Variants in PPP3CC observed in about 807,000 individuals in gnomAD.
PPP3CC encodes the protein serine/threonine-protein phosphatase 2B catalytic subunit gamma isoform.
A neutral mutation model predicts 60.3 loss-of-function variants in PPP3CC; 35 were observed. The observed-to-expected ratio is 0.58, with a 90% CI of 0.44 to 0.77. The LOEUF is 0.77. Ranked by LOEUF, PPP3CC falls within the 30% of genes least tolerant of loss-of-function variation. PPP3CC has a pLI of 0.00. For missense variants in PPP3CC, 570 were observed against 628.9 expected (o/e 0.91, Z 1.00); for synonymous variants, 206 against 224.3 (o/e 0.92, Z 0.73).
intron 6 of PPP3CC, among the ~76,000 whole-genome samples, chr8:22,518,263 G>A (rs1325779752): frequency 6.6e-6 from 1 of 151,988 alleles, no homozygotes; most frequent in African/African-American, 2.4e-5. Context: ...ATGAGGTCTT[G>A]CTGTGTTGCT....
chr8:22,470,925 C>G (rs984381831), intron 1 of PPP3CC, among the ~76,000 whole-genome samples: 14 of 152,150 alleles, frequency 9.2e-5, no homozygotes, highest in African/African-American at 3.4e-4. Context: ...CTTATGTCCA[C>G]CAAAGCACAC....
chr8:22,481,316 CAA>C (rs1838059172), intron 3 of PPP3CC, among the ~76,000 whole-genome samples: 1 of 150,806 alleles, frequency 6.6e-6, no homozygotes, highest in Non-Finnish European at 1.5e-5. Context: ...GCCTGGGCAA[CAA>C]GAGCGAAACT....
intron 2 of PPP3CC, 78 bp downstream of exon 2, chr8:22,475,229 C>A (rs1188883584): frequency 2.9e-6 from 4 of 1,364,584 alleles, no homozygotes; most frequent in Admixed American, 2.1e-5. Context: ...TACAAATAAC[C>A]AGCTAAAAAG....
At chr8:22,525,541 TCCC>T (rs1563780713) in intron 8 of PPP3CC, among the ~76,000 whole-genome samples, 3,825 of 63,868 alleles carry the variant, frequency 0.06, 81 homozygotes, top group East Asian at 0.14. Flanking sequence ...TTTCTTTCTC[TCCC>T]TCTCTCTCTC....
chr8:22,465,212 C>T (rs887788239), intron 1 of PPP3CC, among the ~76,000 whole-genome samples: 1 of 152,106 alleles, frequency 6.6e-6, no homozygotes, highest in Admixed American at 6.6e-5. Flanking sequence ...CTGCCTGGCT[C>T]AGCCTGCCAA....
chr8:22,455,469 A>G (rs552872692), intron 1 of PPP3CC, among the ~76,000 whole-genome samples: 1 of 152,024 alleles, frequency 6.6e-6, no homozygotes, highest in Non-Finnish European at 1.5e-5. Flanking sequence ...GTGTTTTTTT[A>G]TGTGTGTGCC....
intron 12 of PPP3CC, among the ~76,000 whole-genome samples, 158 bp from the exon 13 acceptor site, chr8:22,539,311 A>G (rs572455885): frequency 1.2e-4 from 19 of 152,196 alleles, no homozygotes; most frequent in African/African-American, 4.1e-4. Context: ...GTCTCTCGCA[A>G]TAATCTTCTC....
rs775333881 is a variant in PPP3CC at position 22,506,708 on chromosome 8, G to T, written c.485-4378G>T. Among the ~76,000 whole-genome samples, 28 of 151,954 alleles carry T rather than the reference G, an allele frequency of 1.8e-4. 1 individual carries two copies. Among genetic ancestry groups the T allele is most frequent in the Non-Finnish European group, 4.4e-5 (3 of 67,990 alleles). ...TGTAATCCCAGCACTTTGGGAGGCC[G>T]AGGCGGGCAGATCACAAGGCCAGGA... On this transcript the variant is annotated intron_variant, in intron 4 of 13. Coordinates refer to ENST00000240139, the MANE Select transcript of PPP3CC (RefSeq NM_005605.5).
intron 3 of PPP3CC, among the ~76,000 whole-genome samples, chr8:22,477,480 A>AG (rs202091219): frequency 0.02 from 2,643 of 129,214 alleles, 77 homozygotes; most frequent in African/African-American, 0.081. Context: ...TCTCAAAAAA[A>AG]AAAAAGAAAG....
At chr8:22,532,116 G>T in intron 10 of PPP3CC, 109 bp from the exon 11 acceptor site, 2 of 746,632 alleles carry the variant, frequency 2.7e-6, no homozygotes, top group Non-Finnish European at 2.1e-6. Context: ...CTTCATTTCT[G>T]TTTTTTAAAA....
chr8:22,510,053 G>A (rs1047755563), intron 4 of PPP3CC, among the ~76,000 whole-genome samples: 6 of 151,966 alleles, frequency 3.9e-5, no homozygotes, highest in South Asian at 2.1e-4. Flanking sequence ...GCGTGGTGGC[G>A]TGTGCCTGTA....
intron 1 of PPP3CC, among the ~76,000 whole-genome samples, chr8:22,449,948 C>T (rs1402924226): frequency 6.6e-6 from 1 of 150,718 alleles, no homozygotes; most frequent in Admixed American, 6.6e-5. Flanking sequence ...CTCACTGCAA[C>T]CTCTGTCTCC....
intron 1 of PPP3CC, among the ~76,000 whole-genome samples, chr8:22,452,263 C>A (rs1586785448): frequency 6.6e-6 from 1 of 152,220 alleles, no homozygotes; most frequent in East Asian, 1.9e-4. Context: ...TGGTCTCAAA[C>A]TCCTGGCCTC....
rs117089909 is a variant in PPP3CC at position 22,456,043 on chromosome 8, T to C, written c.49+14585T>C. ...GTTCATGATTGGCAAGGCAGGTGAG[T>C]AGATTAGGAAATGAGTCTGAAAAAG... is the stretch of plus-strand genomic sequence containing the variant. On this transcript the variant is annotated intron_variant, in intron 1 of 13. Coordinates refer to ENST00000240139, the MANE Select transcript of PPP3CC (RefSeq NM_005605.5). Among the ~76,000 whole-genome samples the C allele has an allele frequency of 7.3e-3, 1,108 of 152,224 alleles. 10 individuals are homozygous for C. Among genetic ancestry groups the C allele is most frequent in the Middle Eastern group, 0.024 (7 of 294 alleles).
At chr8:22,531,166 C>A in intron 10 of PPP3CC, 2 of 775,082 alleles carry the variant, frequency 2.6e-6, no homozygotes, top group South Asian at 1.7e-5. Flanking sequence ...CTCTTATGAG[C>A]TGGTAAAGAT....
intron 3 of PPP3CC, chr8:22,492,702 A>G (rs1838444423): frequency 6.5e-6 from 6 of 929,626 alleles, no homozygotes; most frequent in South Asian, 5.4e-5. Flanking sequence ...GTTCACAGAA[A>G]GAAGAAGGCG....
In PPP3CC at chr8:22,518,541, C is replaced by G. The variant is rs368502775; in HGVS notation, c.771-3950C>G. ...ATTCTGTGTACACTTGGGAAGAATT[C>G]TATTCTTCTGTTATTTGGCAAAAAG... On this transcript the variant is annotated intron_variant, in intron 6 of 13. Transcript: ENST00000240139. Among the ~76,000 whole-genome samples the G allele has an allele frequency of 8.5e-5, 13 of 152,130 alleles. No homozygotes were observed. The South Asian group carries it at 1.0e-3, about 12-fold the overall frequency.
At position 22,450,797 on chromosome 8, in the gene PPP3CC, ATTTTTATT is replaced by A. The variant is rs1265468599; in HGVS notation, c.49+9341_49+9348del. Among the ~76,000 whole-genome samples the A allele has an allele frequency of 1.2e-3, 173 of 142,396 alleles. 2 individuals are homozygous for A. Among genetic ancestry groups the A allele is most frequent in the Middle Eastern group, 3.5e-3 (1 of 282 alleles). 93.4% of individuals were successfully genotyped at this position (142,396 alleles called of 152,430 possible). On this transcript the variant is annotated intron_variant, in intron 1 of 13. Transcript: ENST00000240139. ...ACAACCCTCATCCCCAACCTACTTTATTTTTATTTATTTATTTATTTATTTATTTATTT... is the reference window on the plus strand; with the variant it reads ...ACAACCCTCATCCCCAACCTACTTTATATTTATTTATTTATTTATTTATTT...
intron 1 of PPP3CC, among the ~76,000 whole-genome samples, chr8:22,450,935 C>T (rs1001940546): frequency 6.7e-6 from 1 of 149,160 alleles, no homozygotes; most frequent in East Asian, 2.0e-4. Flanking sequence ...TCCGGATTCA[C>T]GCCATTCTCC....
Sources: gnomAD v4.1 joint callset for allele counts (sites outside exome capture counted in the v4.1 genomes callset) on GRCh38, gnomAD v4.1.1 for gene constraint, MANE v1.5 for transcripts, NCBI Gene and HGNC (gene_info 2026-07-23, HGNC 2026-07-21) for gene names.